The following LACTB variants were observed in gnomAD, a reference collection of about 807,000 sequenced individuals.
LACTB encodes the protein serine beta-lactamase-like protein LACTB, mitochondrial.
Under a neutral mutation model 50.2 loss-of-function variants are expected in LACTB, and 35 were observed. The observed-to-expected ratio is 0.70, with a 90% confidence interval of 0.53 to 0.92. LACTB has a LOEUF of 0.92. Among genes scored for constraint, LACTB ranks in the 40% least tolerant of loss-of-function variants. The probability of loss-of-function intolerance (pLI) is 0.00; values close to 1 mark genes in which losing one functional copy is unlikely to be tolerated. For synonymous variants in LACTB, 252 were observed against 268.2 expected (o/e 0.94, Z 0.59); for missense variants, 664 against 691.8 (o/e 0.96, Z 0.45).
At position 63,131,845 on chromosome 15, in the gene LACTB, T is replaced by G. The variant is rs12050595; in HGVS notation, c.1118+2195T>G. 6.4e-3 allele frequency among the ~76,000 whole-genome samples: 974 copies of G among 151,986 alleles called. 35 individuals carry two copies. The East Asian group carries it at 0.1, about 16-fold the overall frequency. ...CTGTAGTCCTAGTTACTCGGGAGGC[T>G]GAGGTGGGAGGATTGTTTGATCCCA... is the stretch of plus-strand genomic sequence containing the variant. On this transcript the variant is annotated intron_variant, in intron 5 of 5. Transcript: ENST00000261893.
At chr15:63,131,336 C>T (rs1053395892) in intron 5 of LACTB, 1 of 152,130 alleles carries the variant, frequency 6.6e-6, no homozygotes, top group Non-Finnish European at 1.5e-5. Flanking sequence ...TTTATTCATA[C>T]CAGTATGCAC....
At chr15:63,139,124 A>C (rs1402731942) in intron 5 of LACTB, among the ~76,000 whole-genome samples, 4 of 150,046 alleles carry the variant, frequency 2.7e-5, no homozygotes, top group Admixed American at 2.7e-4. Flanking sequence ...CGAGGCAGGC[A>C]GATCACCTGA....
chr15:63,141,400 A>G lies in LACTB; in HGVS notation c.1239A>G (p.Ala413=). 1.2e-6 allele frequency: 2 copies of G among 1,614,226 alleles called. No individual in the cohort carries two copies. Among genetic ancestry groups the G allele is most frequent in the Non-Finnish European group, 1.7e-6 (2 of 1,180,048 alleles). The change falls in exon 6 of 6, where the codon GCA becomes GCG. Residue 413 remains alanine, a synonymous_variant. Transcript: ENST00000261893. ...GTGACCTTCTGAAATTTGGGAATGC[A>G]ATGCTTTATGGTTACCAAGTTGGGC... ...TVGDLLKFGN[A]MLYGYQVGLF... is the part of the protein sequence containing the mutation.
intron 4 of LACTB, among the ~76,000 whole-genome samples, chr15:63,128,615 G>A (rs75054861): frequency 0.027 from 4,073 of 152,158 alleles, 160 homozygotes; most frequent in African/African-American, 0.086. Context: ...AAACCAGTTT[G>A]AGTTTGTCCA....
chr15:63,130,925 T>C (rs1391120014), intron 5 of LACTB: 1 of 152,256 alleles, frequency 6.6e-6, no homozygotes, highest in Non-Finnish European at 1.5e-5. Context: ...GAATCAGTTA[T>C]TACAGTGATG....
chr15:63,134,142 G>A (rs2037155835), intron 5 of LACTB, among the ~76,000 whole-genome samples: 2 of 151,796 alleles, frequency 1.3e-5, no homozygotes, highest in South Asian at 4.2e-4. Flanking sequence ...TCATACCATA[G>A]TGGTTTTCAA....
intron 1 of LACTB, 198 bp from the exon 2 acceptor site, chr15:63,122,438 C>G: frequency 1.5e-6 from 1 of 675,578 alleles, no homozygotes; most frequent in Non-Finnish European, 2.6e-6. Flanking sequence ...TCTCGGGGAC[C>G]GCCCCTTCCC....
At chr15:63,122,438 C>T (rs2036987451) in intron 1 of LACTB, 198 bp from the exon 2 acceptor site, 3 of 675,578 alleles carry the variant, frequency 4.4e-6, no homozygotes, top group African/African-American at 1.8e-5. Flanking sequence ...TCTCGGGGAC[C>T]GCCCCTTCCC....
At chr15:63,123,526 G>C (rs1409508779) in intron 2 of LACTB, among the ~76,000 whole-genome samples, 3 of 152,186 alleles carry the variant, frequency 2.0e-5, no homozygotes, top group Non-Finnish European at 2.9e-5. Flanking sequence ...TAAAAGAAAA[G>C]ACAGCTGGGC....
chr15:63,136,510 A>G (rs578018299), intron 5 of LACTB, among the ~76,000 whole-genome samples: 1 of 152,292 alleles, frequency 6.6e-6, no homozygotes, highest in Non-Finnish European at 1.5e-5. Context: ...TGGGCTGCTG[A>G]AATAAAATAG....
chr15:63,128,195 G>T (rs2729824), intron 4 of LACTB, among the ~76,000 whole-genome samples: 3,098 of 152,126 alleles, frequency 0.02, 101 homozygotes, highest in African/African-American at 0.067. Flanking sequence ...ACCATAGTTT[G>T]ATATACTTAT....
intron 2 of LACTB, among the ~76,000 whole-genome samples, chr15:63,126,382 T>A (rs2037054274): frequency 6.6e-6 from 1 of 152,192 alleles, no homozygotes; most frequent in Non-Finnish European, 1.5e-5. Context: ...TCTCAGGTGA[T>A]CTGCTCACCT....
intron 2 of LACTB, among the ~76,000 whole-genome samples, chr15:63,122,917 A>G (rs1402901572): frequency 6.6e-6 from 1 of 152,050 alleles, no homozygotes; most frequent in African/African-American, 2.4e-5. Flanking sequence ...ATGGCTACCC[A>G]CTCCCACTTT....
chr15:63,132,022 T>C (rs374946828), intron 5 of LACTB, among the ~76,000 whole-genome samples: 2 of 152,164 alleles, frequency 1.3e-5, no homozygotes, highest in South Asian at 4.1e-4. Flanking sequence ...CCTTTAGATA[T>C]GTAGCTAACA....
chr15:63,127,049 G>C lies in LACTB; in HGVS notation c.615G>C (p.Lys205Asn), dbSNP rs774864003. The C allele has an allele frequency of 1.3e-6, 2 of 1,582,972 alleles. No homozygotes were observed. Among genetic ancestry groups the C allele is most frequent in the South Asian group, 2.3e-5 (2 of 87,958 alleles). The change falls in exon 3 of 6, where the codon AAG becomes AAC. Residue 205 changes from lysine (K) to asparagine (N), a missense_variant and splice_region_variant. Transcript: ENST00000261893. Reference protein sequence around the residue: ...EFPEKEYEGEKVSVTTRLLIS... With the variant: ...EFPEKEYEGENVSVTTRLLIS... ...CAGAAAAAGAATATGAAGGTGAAAAGGTACTGAAACTCACAGTTCATTTTA... is the reference window on the plus strand; with the variant it reads ...CAGAAAAAGAATATGAAGGTGAAAACGTACTGAAACTCACAGTTCATTTTA...
intron 2 of LACTB, among the ~76,000 whole-genome samples, chr15:63,126,296 C>A (rs144372964): frequency 6.6e-6 from 1 of 152,130 alleles, no homozygotes; most frequent in Non-Finnish European, 1.5e-5. Context: ...CACACGCCAC[C>A]ATGACTGGCC....
Position 63,141,606 on chromosome 15 carries a change from AT to A in LACTB, c.1446del (p.Tyr482Ter), listed in dbSNP as rs748718070. ...GGTTCGTGTAGAAAGCAACGGCATT[AT>A]GCTTCACATACTGGAGGGGCAGTGG... ...TYGSCRKQRH[Y>X]ASHTGGAVGA... is the part of the protein sequence containing the mutation. On this transcript the variant is annotated frameshift_variant, in exon 6 of 6. Coordinates refer to ENST00000261893, the MANE Select transcript of LACTB (RefSeq NM_032857.5). LOFTEE classifies it high-confidence loss of function. The A allele has an allele frequency of 1.9e-6, 3 of 1,614,222 alleles. No homozygotes were observed. Among genetic ancestry groups the A allele is most frequent in the Non-Finnish European group, 2.5e-6 (3 of 1,180,046 alleles).
intron 5 of LACTB, among the ~76,000 whole-genome samples, chr15:63,139,192 TCCAAAAAAA>T (rs2037203738): frequency 7.9e-6 from 1 of 125,848 alleles, no homozygotes; most frequent in South Asian, 2.4e-4. Context: ...CTACTAAAAA[TCCAAAAAAA>T]AAAAAAAAAA....
chr15:63,127,028 A>G lies in LACTB; in HGVS notation c.594A>G (p.Glu198=), dbSNP rs770028500. 3 of 1,606,406 alleles carry G rather than the reference A, an allele frequency of 1.9e-6. No homozygotes were observed. The highest frequency in any genetic ancestry group is 1.7e-5 in the Admixed American group (1 of 59,072). Residue 198 remains glutamate, a synonymous_variant, in exon 3 of 6, where the codon GAA becomes GAG. Coordinates refer to ENST00000261893, the MANE Select transcript of LACTB (RefSeq NM_032857.5). ...PVQHYVPEFP[E]KEYEGEKVSV... ...AACATTATGTTCCCGAATTCCCAGA[A>G]AAAGAATATGAAGGTGAAAAGGTAC...
Sources: allele counts gnomAD v4.1 joint callset (sites outside exome capture counted in the v4.1 genomes callset), GRCh38; gene constraint gnomAD v4.1.1; transcripts MANE v1.5; gene names NCBI Gene and HGNC (gene_info 2026-07-23, HGNC 2026-07-21).